Variants in ZNF480 observed in about 807,000 individuals in gnomAD.
ZNF480 encodes zinc finger protein 480.
ZNF480 carries 15 observed loss-of-function variants against 14.4 expected under a neutral mutation model. That is an observed-to-expected ratio of 1.04 (90% CI 0.70 to 1.60). The LOEUF (loss-of-function observed/expected upper bound fraction) is 1.60, where lower values mean the gene tolerates loss of function less well. Among genes scored for constraint, ZNF480 ranks in the 40% most tolerant of loss-of-function variants. The pLI, the probability that ZNF480 is intolerant of heterozygous loss-of-function variation, is 0.00. For missense variants in ZNF480, 593 were observed against 629.7 expected (o/e 0.94, Z 0.62); for synonymous variants, 218 against 215.5 (o/e 1.01, Z -0.10).
At chr19:52,320,740 G>A (rs965435138) in intron 4 of ZNF480, among the ~76,000 whole-genome samples, 1 of 152,124 alleles carries the variant, frequency 6.6e-6, no homozygotes, top group Non-Finnish European at 1.5e-5. Context: ...GCAGTGAGCT[G>A]AGATTGCATC....
At chr19:52,314,395 C>A in intron 3 of ZNF480, 116 bp downstream of exon 3, 1 of 974,082 alleles carries the variant, frequency 1.0e-6, no homozygotes, top group Non-Finnish European at 1.3e-6. Flanking sequence ...AGGAGAATCA[C>A]TTGAACCTGG....
At chr19:52,299,174 A>T (rs1982563935) in intron 1 of ZNF480, among the ~76,000 whole-genome samples, 1 of 151,954 alleles carries the variant, frequency 6.6e-6, no homozygotes, top group Non-Finnish European at 1.5e-5. Context: ...TTTTCCTGGG[A>T]TGGGGTAGGG....
At chr19:52,303,717 G>A (rs983142856) in intron 2 of ZNF480, among the ~76,000 whole-genome samples, 4 of 152,182 alleles carry the variant, frequency 2.6e-5, no homozygotes, top group Non-Finnish European at 4.4e-5. Flanking sequence ...GTTAATTGCT[G>A]AGGGCTAGTG....
At chr19:52,315,376 C>T (rs1040390006) in intron 3 of ZNF480, among the ~76,000 whole-genome samples, 3 of 151,188 alleles carry the variant, frequency 2.0e-5, no homozygotes, top group African/African-American at 7.3e-5. Context: ...AGTGCAATGG[C>T]GCGATCTTGG....
intron 2 of ZNF480, chr19:52,302,115 G>A (rs1235813268): frequency 8.3e-6 from 2 of 241,438 alleles, no homozygotes; most frequent in Non-Finnish European, 1.6e-5. Flanking sequence ...TATCCAAATC[G>A]GCTGCTGGTT....
intron 2 of ZNF480, among the ~76,000 whole-genome samples, chr19:52,308,307 C>CTT (rs146136889): frequency 0.022 from 2,881 of 128,136 alleles, 69 homozygotes; most frequent in Admixed American, 0.032. Context: ...TTTTTTTCTT[C>CTT]TTTTTTTTTT....
At chr19:52,298,933 G>A (rs892177976) in intron 1 of ZNF480, among the ~76,000 whole-genome samples, 2 of 152,012 alleles carry the variant, frequency 1.3e-5, no homozygotes, top group Non-Finnish European at 2.9e-5. Context: ...GCAGATGAAC[G>A]GTGAGTTGAT....
intron 2 of ZNF480, among the ~76,000 whole-genome samples, chr19:52,312,577 T>C (rs1190954282): frequency 6.6e-6 from 1 of 152,216 alleles, no homozygotes; most frequent in Non-Finnish European, 1.5e-5. Context: ...TCTTTTGGTT[T>C]GGTTCTAATG....
chr19:52,313,970 CTCTG>C, intron 2 of ZNF480, 179 bp from the exon 3 acceptor site: 1 of 543,152 alleles, frequency 1.8e-6, no homozygotes, highest in East Asian at 6.6e-5. Flanking sequence ...CAGAGTAAGA[CTCTG>C]TCTCAAAAAA....
intron 4 of ZNF480, among the ~76,000 whole-genome samples, chr19:52,317,210 G>T (rs549663919): frequency 6.6e-6 from 1 of 151,916 alleles, no homozygotes; most frequent in Non-Finnish European, 1.5e-5. Context: ...TAGAGACAGG[G>T]TTTCACCATA....
intron 2 of ZNF480, chr19:52,300,697 T>G: frequency 1.2e-6 from 1 of 810,940 alleles, no homozygotes; most frequent in African/African-American, 1.7e-5. Context: ...AAGAATAGAG[T>G]GTAAAGTGGG....
At chr19:52,297,474 C>G (rs1235460292) in intron 1 of ZNF480, among the ~76,000 whole-genome samples, 1 of 151,896 alleles carries the variant, frequency 6.6e-6, no homozygotes, top group Non-Finnish European at 1.5e-5. Flanking sequence ...TTTCCTGTTT[C>G]AAGTCCTTCA....
At chr19:52,302,050 C>T in intron 2 of ZNF480, 1 of 211,200 alleles carries the variant, frequency 4.7e-6, no homozygotes, top group South Asian at 8.1e-5. Context: ...CGGGTTCCTC[C>T]CAAAATCTCT....
At chr19:52,311,160 C>T (rs1232185087) in intron 2 of ZNF480, among the ~76,000 whole-genome samples, 1 of 151,192 alleles carries the variant, frequency 6.6e-6, no homozygotes, top group Non-Finnish European at 1.5e-5. Flanking sequence ...TTGTAAATAC[C>T]AAATAGATAA....
chr19:52,304,622 GTCCT>G (rs1036490484), intron 2 of ZNF480, among the ~76,000 whole-genome samples: 3 of 151,910 alleles, frequency 2.0e-5, no homozygotes, highest in Non-Finnish European at 4.4e-5. Context: ...TGGGAATTTT[GTCCT>G]TCTGCTTGAA....
At chr19:52,299,110 A>G (rs570404448) in intron 1 of ZNF480, among the ~76,000 whole-genome samples, 1 of 152,174 alleles carries the variant, frequency 6.6e-6, no homozygotes, top group Admixed American at 6.5e-5. Flanking sequence ...CACATTCCCT[A>G]TTCAGGCACA....
Position 52,324,389 on chromosome 19 carries a change from T to G in ZNF480, c.*1531T>G, listed in dbSNP as rs78458939. The G allele has an allele frequency of 5.2e-3, 794 of 152,308 alleles. 12 individuals carry two copies. Among genetic ancestry groups the G allele is most frequent in the African/African-American group, 0.018 (757 of 41,574 alleles). The allele number at this position is 152,308 out of a possible 1,614,324, so 9.4% of individuals were successfully genotyped here. A position where few individuals can be genotyped will look rare whatever the true frequency, so the allele number is the denominator to read the frequency against. On this transcript the variant is annotated 3_prime_UTR_variant, in exon 5 of 5. Coordinates refer to ENST00000595962, the MANE Select transcript of ZNF480 (RefSeq NM_144684.4). ...AAGCAATTTACAGAGCCAATGCTATTTCTATCAAACTACCAATGGCATTTT... is the reference window on the plus strand; with the variant it reads ...AAGCAATTTACAGAGCCAATGCTATGTCTATCAAACTACCAATGGCATTTT...
rs1010398884 is a variant in ZNF480 at position 52,322,804 on chromosome 19, G to C, written c.1554G>C (p.Lys518Asn). Residue 518 changes from lysine to asparagine, a missense_variant, in exon 5 of 5, where the codon AAG becomes AAC. By Grantham distance (94) the Lys-to-Asn change is moderately conservative. Transcript: ENST00000595962. Reference protein sequence around the residue: ...EKPYKCNECGKAFSRISYLAQ... With the variant: ...EKPYKCNECGNAFSRISYLAQ... The stretch of plus-strand genomic sequence containing the variant: ...CTTACAAATGTAATGAGTGTGGCAA[G>C]GCCTTTAGTCGCATTTCATACCTAG... 6.2e-7 allele frequency: 1 copy of C among 1,610,268 alleles called. No individual in the cohort carries two copies. The highest frequency in any genetic ancestry group is 1.7e-5 in the Admixed American group (1 of 59,840).
chr19:52,325,165 T>C lies in ZNF480; in HGVS notation c.*2307T>C, dbSNP rs1984035572. On this transcript the variant is annotated 3_prime_UTR_variant, in exon 5 of 5. Coordinates refer to ENST00000595962, the MANE Select transcript of ZNF480 (RefSeq NM_144684.4). ...GGCAATAAGCATATGAAAAAAATGG[T>C]TAATATCGCTAATCATTAAGGAAAT... The C allele has an allele frequency of 6.6e-6, 1 of 152,146 alleles. No homozygotes were observed. The highest frequency in any genetic ancestry group is 1.5e-5 in the Non-Finnish European group (1 of 68,026). 9.4% of individuals were successfully genotyped at this position (152,146 alleles called of 1,614,324 possible).
Sources: gnomAD v4.1 joint callset for allele counts (sites outside exome capture counted in the v4.1 genomes callset) on GRCh38, gnomAD v4.1.1 for gene constraint, MANE v1.5 for transcripts, NCBI Gene and HGNC (gene_info 2026-07-23, HGNC 2026-07-21) for gene names.